EDIL3: variants seen among roughly 807,000 people sequenced by gnomAD.
EDIL3 encodes the protein EGF like and discoidin domains 3.
In EDIL3, 37 loss-of-function variants were observed where a neutral mutation model predicts 67.4. That is an observed-to-expected ratio of 0.55 (90% CI 0.42 to 0.72). EDIL3 has a LOEUF of 0.72. Among genes scored for constraint, EDIL3 ranks in the 30% least tolerant of loss-of-function variants. EDIL3 has a pLI of 0.00. For missense variants in EDIL3, 527 were observed against 586.3 expected (o/e 0.90, Z 1.04); for synonymous variants, 195 against 196.3 (o/e 0.99, Z 0.05).
chr5:84,305,873 G>T (rs955791998), intron 1 of EDIL3, among the ~76,000 whole-genome samples: 3 of 148,832 alleles, frequency 2.0e-5, no homozygotes, highest in African/African-American at 7.6e-5. Context: ...AGCAAGACTT[G>T]GTCTTAAAAG....
At chr5:84,322,499 A>G (rs919751948) in intron 1 of EDIL3, among the ~76,000 whole-genome samples, 1 of 152,128 alleles carries the variant, frequency 6.6e-6, no homozygotes, top group Non-Finnish European at 1.5e-5. Flanking sequence ...AAAGTCGAGG[A>G]AAAGACAATG....
chr5:84,377,079 C>T (rs975382705), intron 1 of EDIL3, among the ~76,000 whole-genome samples: 1 of 152,148 alleles, frequency 6.6e-6, no homozygotes, highest in Non-Finnish European at 1.5e-5. Flanking sequence ...GTAATCCCAG[C>T]ACTTTGGGAG....
intron 9 of EDIL3, among the ~76,000 whole-genome samples, chr5:84,031,148 C>T (rs1745912776): frequency 3.3e-5 from 5 of 151,976 alleles, no homozygotes; most frequent in Admixed American, 2.6e-4. Context: ...ATCATTTTAC[C>T]CCAATTACCT....
Position 84,265,189 on chromosome 5 carries a change from G to A in EDIL3, c.68-10977C>T, listed in dbSNP as rs72776583. ...GCTTTAATTATATCTTGTTTAAAAA[G>A]TCATAATTTAAGACAGCAGTAGAAT... On this transcript the variant is annotated intron_variant, in intron 1 of 10. Transcript: ENST00000296591. Among the ~76,000 whole-genome samples, 1,291 of 152,282 alleles carry A rather than the reference G, an allele frequency of 8.5e-3. 6 individuals carry two copies. Among genetic ancestry groups the A allele is most frequent in the Non-Finnish European group, 0.015 (991 of 68,014 alleles).
At chr5:84,077,204 T>C (rs1456759828) in intron 6 of EDIL3, among the ~76,000 whole-genome samples, 1 of 152,214 alleles carries the variant, frequency 6.6e-6, no homozygotes, top group Non-Finnish European at 1.5e-5. Context: ...CCACTGTTTG[T>C]GGCATCAGTA....
intron 1 of EDIL3, among the ~76,000 whole-genome samples, chr5:84,306,405 T>C (rs965838235): frequency 2.0e-5 from 3 of 152,240 alleles, no homozygotes; most frequent in African/African-American, 7.2e-5. Flanking sequence ...ACTTTATTAA[T>C]AATACCATAC....
At chr5:84,138,664 C>T (rs1748135354) in intron 4 of EDIL3, among the ~76,000 whole-genome samples, 1 of 151,958 alleles carries the variant, frequency 6.6e-6, no homozygotes, top group African/African-American at 2.4e-5. Context: ...TTTCTTTTGA[C>T]ATTTTTTTTT....
At chr5:84,297,831 G>C (rs576677984) in intron 1 of EDIL3, among the ~76,000 whole-genome samples, 33 of 152,224 alleles carry the variant, frequency 2.2e-4, no homozygotes, top group African/African-American at 7.9e-4. Flanking sequence ...AGTCGATCCT[G>C]GGAGAGCAAG....
intron 1 of EDIL3, among the ~76,000 whole-genome samples, chr5:84,332,694 T>C (rs951649530): frequency 2.0e-5 from 3 of 152,166 alleles, no homozygotes; most frequent in Non-Finnish European, 4.4e-5. Context: ...CCTGCTGACA[T>C]TATGGTTGTG....
rs148533752 is a variant in EDIL3 at position 84,096,523 on chromosome 5, C to T, written c.651+10126G>A. 5.4e-3 allele frequency among the ~76,000 whole-genome samples: 820 copies of T among 152,196 alleles called. 4 individuals are homozygous for T. The highest frequency in any genetic ancestry group is 0.019 in the African/African-American group (792 of 41,530). Reference sequence around the variant, plus strand: ...GCCGATTTCTCCCATTTGGAATGGCCGTATTTAACTAATGCCTGTATCACC... The same window carrying T: ...GCCGATTTCTCCCATTTGGAATGGCTGTATTTAACTAATGCCTGTATCACC... On this transcript the variant is annotated intron_variant, in intron 6 of 10. Coordinates refer to ENST00000296591, the MANE Select transcript of EDIL3 (RefSeq NM_005711.5).
intron 1 of EDIL3, among the ~76,000 whole-genome samples, chr5:84,271,306 CGG>C (rs2112096546): frequency 6.6e-6 from 1 of 151,808 alleles, no homozygotes; most frequent in South Asian, 2.1e-4. Context: ...CCCAGCTACT[CGG>C]GAGACTGAGG....
chr5:84,330,161 A>G (rs1195293466), intron 1 of EDIL3, among the ~76,000 whole-genome samples: 1 of 152,174 alleles, frequency 6.6e-6, no homozygotes, highest in Non-Finnish European at 1.5e-5. Context: ...AAAATAAGTA[A>G]GACAGAGACT....
intron 2 of EDIL3, among the ~76,000 whole-genome samples, chr5:84,248,172 A>G (rs572187235): frequency 5.3e-5 from 8 of 152,164 alleles, no homozygotes; most frequent in African/African-American, 1.9e-4. Context: ...AAATTCTTCT[A>G]CGTGCCACAG....
At chr5:83,959,129 T>C (rs968453860) in intron 10 of EDIL3, among the ~76,000 whole-genome samples, 1 of 150,386 alleles carries the variant, frequency 6.6e-6, no homozygotes, top group Non-Finnish European at 1.5e-5. Flanking sequence ...CAGTTGACTT[T>C]TGGCATGTGT....
At position 84,361,586 on chromosome 5, in the gene EDIL3, A is replaced by AT. The variant is rs1019871024; in HGVS notation, c.67+22721dup. On this transcript the variant is annotated intron_variant, in intron 1 of 10. Coordinates refer to ENST00000296591, the MANE Select transcript of EDIL3 (RefSeq NM_005711.5). ...AGGTTAGATTGCTATAAATCTGTTT[A>AT]TTTTTCTGGAAACCTACATATCTTA... is the stretch of plus-strand genomic sequence containing the variant. 4.6e-5 allele frequency among the ~76,000 whole-genome samples: 7 copies of AT among 151,366 alleles called. No individual in the cohort carries two copies. In the South Asian group the frequency reaches 6.2e-4, roughly 13 times the overall value.
intron 1 of EDIL3, among the ~76,000 whole-genome samples, chr5:84,361,003 T>C (rs980286826): frequency 2.6e-5 from 4 of 152,142 alleles, no homozygotes; most frequent in African/African-American, 9.6e-5. Flanking sequence ...TATTTTTCCA[T>C]GTGCTAAAAA....
At chr5:84,185,768 T>G (rs913968855) in intron 3 of EDIL3, among the ~76,000 whole-genome samples, 4 of 152,174 alleles carry the variant, frequency 2.6e-5, no homozygotes, top group African/African-American at 9.6e-5. Flanking sequence ...TCAAATGTAT[T>G]ACACTGAATT....
At chr5:84,124,739 C>T (rs373033581) in intron 5 of EDIL3, among the ~76,000 whole-genome samples, 41 of 151,764 alleles carry the variant, frequency 2.7e-4, no homozygotes, top group Admixed American at 7.2e-4. Context: ...CAGAAGGACA[C>T]GGTTAATAGC....
chr5:83,986,577 G>A (rs1745060785), intron 9 of EDIL3, among the ~76,000 whole-genome samples: 1 of 152,100 alleles, frequency 6.6e-6, no homozygotes, highest in Non-Finnish European at 1.5e-5. Flanking sequence ...TTTATTGAGT[G>A]TCTACTCTGT....
Sources: allele counts gnomAD v4.1 joint callset (sites outside exome capture counted in the v4.1 genomes callset), GRCh38; gene constraint gnomAD v4.1.1; transcripts MANE v1.5; gene names NCBI Gene and HGNC (gene_info 2026-07-23, HGNC 2026-07-21).